Variants in IGSF11 observed in about 807,000 individuals in gnomAD.
The protein encoded by IGSF11 is immunoglobulin superfamily member 11, also known as CXADR like 1.
A neutral mutation model predicts 41.0 loss-of-function variants in IGSF11; 22 were observed. That is an observed-to-expected ratio of 0.54 (90% CI 0.38 to 0.77). The LOEUF is 0.77. Among genes scored for constraint, IGSF11 ranks in the 30% least tolerant of loss-of-function variants. The pLI, the probability that IGSF11 is intolerant of heterozygous loss-of-function variation, is 0.00. For synonymous variants in IGSF11, 219 were observed against 201.3 expected, an observed-to-expected ratio of 1.09 and a Z score of -0.74; for missense variants, 444 against 530.8, an observed-to-expected ratio of 0.84 and a Z score of 1.61.
exon 1 of IGSF11, chr3:119,105,207 T>C (rs767247293): frequency 6.4e-7 from 1 of 1,561,658 alleles, no homozygotes; most frequent in East Asian, 2.3e-5. Flanking sequence ...TCTTCTTGCC[T>C]GAGGAAGGTG....
intron 1 of IGSF11, among the ~76,000 whole-genome samples, chr3:119,128,560 G>T (rs66470862): frequency 0.1 from 15,538 of 151,732 alleles, 971 homozygotes; most frequent in East Asian, 0.18. Context: ...AGGGAAATTT[G>T]CCAAACAAAT....
At chr3:118,926,532 C>T (rs1190319399) in intron 3 of IGSF11, among the ~76,000 whole-genome samples, 1 of 152,158 alleles carries the variant, frequency 6.6e-6, no homozygotes, top group Non-Finnish European at 1.5e-5. Flanking sequence ...TAAGATCTTC[C>T]TTTCACTCTG....
At chr3:119,128,274 T>G (rs1576831823) in intron 1 of IGSF11, among the ~76,000 whole-genome samples, 1 of 151,726 alleles carries the variant, frequency 6.6e-6, no homozygotes, top group Non-Finnish European at 1.5e-5. Context: ...AGGAGAATTG[T>G]TTGAATCTGG....
intron 1 of IGSF11, among the ~76,000 whole-genome samples, chr3:118,986,042 A>G (rs753433092): frequency 6.6e-6 from 1 of 152,206 alleles, no homozygotes; most frequent in Non-Finnish European, 1.5e-5. Flanking sequence ...ACAAACTGCA[A>G]TTAAGCAAGC....
intron 1 of IGSF11, among the ~76,000 whole-genome samples, chr3:119,049,013 T>C (rs1363425916): frequency 6.6e-6 from 1 of 151,588 alleles, no homozygotes; most frequent in Non-Finnish European, 1.5e-5. Context: ...TAATAAGAGC[T>C]ATCTATGACA....
At chr3:118,948,621 C>A (rs986743943) in intron 1 of IGSF11, among the ~76,000 whole-genome samples, 1 of 152,004 alleles carries the variant, frequency 6.6e-6, no homozygotes, top group South Asian at 2.1e-4. Context: ...ATGGCTCAAA[C>A]GCAGGGAATT....
At chr3:119,105,273 T>A, upstream of IGSF11, 3 of 912,658 alleles carry the variant, frequency 3.3e-6, no homozygotes, top group South Asian at 3.3e-5. Context: ...TTTCATTTTT[T>A]AAAATTTTTA....
intron 1 of IGSF11, among the ~76,000 whole-genome samples, chr3:118,989,461 T>A (rs1056075572): frequency 1.3e-5 from 2 of 152,088 alleles, no homozygotes; most frequent in East Asian, 3.9e-4. Context: ...CACGCCATTC[T>A]CCTGCCTCAG....
At position 118,928,629 on chromosome 3, in the gene IGSF11, T is replaced by G; in HGVS notation, c.304A>C (p.Asn102His). The G allele has an allele frequency of 6.2e-7, 1 of 1,614,050 alleles. No individual in the cohort carries two copies. Among genetic ancestry groups the G allele is most frequent in the Non-Finnish European group, 8.5e-7 (1 of 1,179,978 alleles). The part of the protein sequence containing the change: ...VGFTGTMPAT[N>H]VSIFINNTQL... ...GTGTTATTAATGAAGATAGAGACAT[T>G]GGTAGCTGGCATGGTGCCTGTAAAT... The change falls in exon 3 of 7, where the codon AAT (asparagine) becomes CAT (histidine). Residue 102 changes from asparagine (N) to histidine (H), a missense_variant. Asn to His is a moderately conservative substitution (Grantham distance 68). This residue lies in a region of IGSF11 where 193 missense variants were observed against 283.5 expected (regional missense o/e 0.68). Transcript: ENST00000393775.
At chr3:118,965,693 T>C (rs1011709868) in intron 1 of IGSF11, among the ~76,000 whole-genome samples, 4 of 152,118 alleles carry the variant, frequency 2.6e-5, no homozygotes, top group African/African-American at 9.6e-5. Flanking sequence ...AACAGATACA[T>C]TAAAAATTTA....
upstream of IGSF11, among the ~76,000 whole-genome samples, chr3:119,107,011 A>C (rs1190920053): frequency 6.6e-6 from 1 of 152,158 alleles, no homozygotes; most frequent in Non-Finnish European, 1.5e-5. Flanking sequence ...GGTTGGTTCC[A>C]AGTCTTTGCT....
intron 1 of IGSF11, among the ~76,000 whole-genome samples, chr3:119,030,312 A>T (rs1940272653): frequency 6.6e-6 from 1 of 152,234 alleles, no homozygotes; most frequent in Non-Finnish European, 1.5e-5. Context: ...TTCTTTCTGT[A>T]ATATATGAGT....
chr3:119,031,928 C>A (rs73185834), intron 1 of IGSF11, among the ~76,000 whole-genome samples: 3,734 of 152,200 alleles, frequency 0.025, 60 homozygotes, highest in South Asian at 0.077. Context: ...TTCTCAAATT[C>A]TGAAAAGTTA....
intron 1 of IGSF11, among the ~76,000 whole-genome samples, chr3:119,143,135 C>A (rs1002804170): frequency 6.6e-6 from 1 of 151,942 alleles, no homozygotes; most frequent in Non-Finnish European, 1.5e-5. Context: ...TAACTTGAAG[C>A]CATATGAAGA....
chr3:119,085,947 T>A (rs532893924), intron 1 of IGSF11, among the ~76,000 whole-genome samples: 88 of 152,358 alleles, frequency 5.8e-4, no homozygotes, highest in African/African-American at 2.0e-3. Flanking sequence ...GGAGTTGGCC[T>A]GAGCAAAGCG....
chr3:118,943,849 T>C (rs578159172), intron 1 of IGSF11, among the ~76,000 whole-genome samples: 13 of 152,350 alleles, frequency 8.5e-5, no homozygotes, highest in African/African-American at 3.1e-4. Flanking sequence ...CACCACTTGG[T>C]TGAATATAGC....
intron 1 of IGSF11, among the ~76,000 whole-genome samples, chr3:119,111,383 C>T (rs1159993796): frequency 6.6e-6 from 1 of 152,228 alleles, no homozygotes; most frequent in Non-Finnish European, 1.5e-5. Context: ...TTGATCGCAT[C>T]AGCTCCTGAG....
chr3:118,931,877 C>A (rs1471077798), intron 1 of IGSF11, among the ~76,000 whole-genome samples: 1 of 151,904 alleles, frequency 6.6e-6, no homozygotes, highest in African/African-American at 2.4e-5. Flanking sequence ...GGACTACAGG[C>A]GCCCGCCACC....
At chr3:118,908,248 A>G (rs1939853175) in intron 4 of IGSF11, among the ~76,000 whole-genome samples, 1 of 152,232 alleles carries the variant, frequency 6.6e-6, no homozygotes, top group African/African-American at 2.4e-5. Context: ...TAAAAGGTGA[A>G]GTCAATGTCT....
Sources: allele counts gnomAD v4.1 joint callset (sites outside exome capture counted in the v4.1 genomes callset), GRCh38; gene constraint gnomAD v4.1.1; regional missense constraint gnomAD v4.1.1; transcripts MANE v1.5; gene names NCBI Gene and HGNC (gene_info 2026-07-23, HGNC 2026-07-21).